The following STRA8 variants were observed in gnomAD, a reference collection of about 807,000 sequenced individuals.
The protein encoded by STRA8 is stimulated by retinoic acid gene 8 protein homolog.
STRA8 carries 18 observed loss-of-function variants against 37.1 expected under a neutral mutation model. That is an observed-to-expected ratio of 0.48 (90% CI 0.34 to 0.72). The LOEUF (loss-of-function observed/expected upper bound fraction) is 0.72, where lower values mean the gene tolerates loss of function less well. Among genes scored for constraint, STRA8 ranks in the 30% least tolerant of loss-of-function variants. The probability of loss-of-function intolerance (pLI) is 0.01; values close to 1 mark genes in which losing one functional copy is unlikely to be tolerated. For missense variants in STRA8, 357 were observed against 410.4 expected (o/e 0.87, Z 1.13); for synonymous variants, 168 against 162.9 (o/e 1.03, Z -0.24).
chr7:135,246,782 T>G lies in STRA8; in HGVS notation c.879+80T>G. The G allele has an allele frequency of 7.1e-7, 1 of 1,403,810 alleles. No homozygotes were observed. Among genetic ancestry groups the G allele is most frequent in the Non-Finnish European group, 9.3e-7 (1 of 1,069,988 alleles). 87.0% of individuals were successfully genotyped at this position (1,403,810 alleles called of 1,614,324 possible). Reference sequence around the variant, plus strand: ...CGCCTGGGGACACCAGGGCTTTGCATTTAGCAGGTTGGAGGTGCAGTTTGC... The same window carrying G: ...CGCCTGGGGACACCAGGGCTTTGCAGTTAGCAGGTTGGAGGTGCAGTTTGC... On this transcript the variant is annotated intron_variant, in intron 6 of 8. Coordinates refer to ENST00000662584, the MANE Select transcript of STRA8 (RefSeq NM_001394401.1). This position sits in a 1 kb window ranked among gnomAD's most constrained non-coding sequence, Gnocchi z 5.4.
chr7:135,247,641 C>G (rs1321002005), intron 6 of STRA8, among the ~76,000 whole-genome samples: 2 of 152,222 alleles, frequency 1.3e-5, no homozygotes, highest in Non-Finnish European at 2.9e-5. Flanking sequence ...ACACTTGGAC[C>G]AATCAGGTCC....
rs1362829773 is a variant in STRA8, at chr7:135,246,387, G to A, written c.594-30G>A. ...GAATCGCTTCGAGAGGGAGCTTTAG[G>A]GGTGCGAGACGGCGCCGCTTCTGTT... On this transcript the variant is annotated intron_variant, in intron 5 of 8. Transcript: ENST00000662584. The surrounding 1 kb of genome is among the most constrained non-coding windows in gnomAD (Gnocchi z 5.4). 2 of 1,582,434 alleles carry A rather than the reference G, an allele frequency of 1.3e-6. No homozygotes were observed.
chr7:135,243,319 C>G lies in STRA8; in HGVS notation c.269-7C>G. 1.2e-6 allele frequency: 2 copies of G among 1,614,008 alleles called. No individual in the cohort carries two copies. Among genetic ancestry groups the G allele is most frequent in the Non-Finnish European group, 1.7e-6 (2 of 1,179,918 alleles). On this transcript the variant is annotated splice_region_variant and splice_polypyrimidine_tract_variant and intron_variant, in intron 3 of 8. Transcript: ENST00000662584. ...CTTTGTGTTCCTGGTCTTCAACTCCCCAATAGCATCCTTCAACCTGGAAGA... is the reference window on the plus strand; with the variant it reads ...CTTTGTGTTCCTGGTCTTCAACTCCGCAATAGCATCCTTCAACCTGGAAGA...
chr7:135,240,618 A>G lies in STRA8; in HGVS notation c.94A>G (p.Arg32Gly). 6.2e-7 allele frequency: 1 copy of G among 1,614,126 alleles called. No individual in the cohort carries two copies. Among genetic ancestry groups the G allele is most frequent in the Non-Finnish European group, 8.5e-7 (1 of 1,180,026 alleles). ...LQELEHRVAR[R>G]RLSQARHRAT... Reference sequence around the variant, plus strand: ...GGAGCTTGAGCATCGGGTGGCCCGGAGACGGCTGTCCCAGGCCCGCCACCG... The same window carrying G: ...GGAGCTTGAGCATCGGGTGGCCCGGGGACGGCTGTCCCAGGCCCGCCACCG... Residue 32 changes from arginine (R) to glycine (G), a missense_variant, in exon 2 of 9, where the codon AGA becomes GGA. Transcript: ENST00000662584.
chr7:135,252,954 A>T (rs1323648250), intron 7 of STRA8, among the ~76,000 whole-genome samples: 1 of 151,952 alleles, frequency 6.6e-6, no homozygotes, highest in Middle Eastern at 3.2e-3. Context: ...TTTTTTTCTA[A>T]GACAGAGTCT....
intron 6 of STRA8, among the ~76,000 whole-genome samples, chr7:135,247,595 A>G (rs536956125): frequency 6.6e-4 from 100 of 152,322 alleles, no homozygotes; most frequent in Non-Finnish European, 1.3e-3. Context: ...CCAAATTGCC[A>G]GCCTGCTGAG....
chr7:135,256,541 A>G (rs1163363502), intron 8 of STRA8, among the ~76,000 whole-genome samples: 1 of 152,232 alleles, frequency 6.6e-6, no homozygotes, highest in African/African-American at 2.4e-5. Context: ...GCAGTGGCTC[A>G]CACCTGGAAT....
chr7:135,256,327 C>G (rs957729231), intron 8 of STRA8, among the ~76,000 whole-genome samples: 1 of 152,202 alleles, frequency 6.6e-6, no homozygotes, highest in Admixed American at 6.5e-5. Flanking sequence ...AGTTTGCTCT[C>G]CCCTTCCCAC....
chr7:135,245,875 C>A (rs759297373), intron 5 of STRA8, among the ~76,000 whole-genome samples: 1 of 152,132 alleles, frequency 6.6e-6, no homozygotes, highest in Non-Finnish European at 1.5e-5. Context: ...CACATACCCC[C>A]ACAAGTCCGC....
upstream of STRA8, chr7:135,232,030 C>T: frequency 6.2e-7 from 1 of 1,610,252 alleles, no homozygotes; most frequent in Non-Finnish European, 8.5e-7. Flanking sequence ...AGAAATCAGG[C>T]TGTGGCAGGT....
Position 135,240,727 on chromosome 7 carries a change from C to T in STRA8, c.192+11C>T, listed in dbSNP as rs772839429. 1.9e-6 allele frequency: 3 copies of T among 1,613,086 alleles called. No homozygotes were observed. In the African/African-American group the frequency reaches 4.0e-5, roughly 22 times the overall value. On this transcript the variant is annotated intron_variant, in intron 2 of 8. Coordinates refer to ENST00000662584, the MANE Select transcript of STRA8 (RefSeq NM_001394401.1). ...CTCATAGCCTCAAAGGTATGGGGAC[C>T]TGGAGGAGGAGAGGGGACATCTCCA...
At chr7:135,236,272 GTGTGTA>G (rs1832376322) in intron 1 of STRA8, among the ~76,000 whole-genome samples, 1 of 144,064 alleles carries the variant, frequency 6.9e-6, no homozygotes, top group African/African-American at 2.5e-5. Flanking sequence ...ATATATGTGT[GTGTGTA>G]TGTGTGTGTG....
chr7:135,258,653 A>G lies in STRA8; in HGVS notation c.*161A>G, dbSNP rs1314196653. 6.6e-6 allele frequency among the ~76,000 whole-genome samples: 1 copy of G among 152,262 alleles called. No homozygotes were observed. Among genetic ancestry groups the G allele is most frequent in the Non-Finnish European group, 1.5e-5 (1 of 68,056 alleles). ...TTTTAGTTTCTGATTATTATAAAGT[A>G]TAAGAGAAGCACGGCCTCGTGTTGG... On this transcript the variant is annotated 3_prime_UTR_variant, in exon 9 of 9. Transcript: ENST00000662584.
chr7:135,246,584 G>A lies in STRA8; in HGVS notation c.761G>A (p.Arg254His), dbSNP rs1832560092. 8 of 1,543,170 alleles carry A rather than the reference G, an allele frequency of 5.2e-6. No individual in the cohort carries two copies. Among genetic ancestry groups the A allele is most frequent in the Admixed American group, 2.0e-5 (1 of 51,026 alleles). Reference sequence around the variant, plus strand: ...CGGCAGGCCTGGGCGCAGAAGCACCGCGGCCCTGCGACCCTGGCGGAGGCC... The same window carrying A: ...CGGCAGGCCTGGGCGCAGAAGCACCACGGCCCTGCGACCCTGGCGGAGGCC... ...SLRQAWAQKHRGPATLAEACR... is the reference protein window; with the variant it reads ...SLRQAWAQKHHGPATLAEACR... The change falls in exon 6 of 9, where the codon CGC (arginine) becomes CAC (histidine). Residue 254 changes from arginine (R) to histidine (H), a missense_variant. Arg to His is a conservative substitution (Grantham distance 29). Coordinates refer to ENST00000662584, the MANE Select transcript of STRA8 (RefSeq NM_001394401.1). This position sits in a 1 kb window ranked among gnomAD's most constrained non-coding sequence, Gnocchi z 5.4.
chr7:135,242,490 C>T (rs559418698), intron 2 of STRA8, among the ~76,000 whole-genome samples: 1 of 152,264 alleles, frequency 6.6e-6, no homozygotes, highest in Non-Finnish European at 1.5e-5. Context: ...ACCTTCAAGC[C>T]GCCTCTGTAG....
intron 2 of STRA8, among the ~76,000 whole-genome samples, chr7:135,241,679 C>G (rs1288419680): frequency 1.3e-5 from 2 of 152,252 alleles, no homozygotes; most frequent in Non-Finnish European, 2.9e-5. Context: ...ATTCCCTCCT[C>G]CTTGTACATT....
intron 7 of STRA8, among the ~76,000 whole-genome samples, chr7:135,253,024 T>G (rs957371418): frequency 6.6e-6 from 1 of 152,072 alleles, no homozygotes; most frequent in African/African-American, 2.4e-5. Flanking sequence ...AACCTCCGCC[T>G]CCTGGGTTCA....
intron 7 of STRA8, among the ~76,000 whole-genome samples, chr7:135,253,685 G>T (rs1423040713): frequency 6.6e-6 from 1 of 152,208 alleles, no homozygotes; most frequent in Non-Finnish European, 1.5e-5. Context: ...TCCCAAAGGT[G>T]TGTTTTCTGA....
At chr7:135,248,083 T>G (rs1243543688) in intron 6 of STRA8, among the ~76,000 whole-genome samples, 1 of 152,230 alleles carries the variant, frequency 6.6e-6, no homozygotes, top group Non-Finnish European at 1.5e-5. Context: ...AGAGTCTCTC[T>G]GTGGAGCCTT....
Sources: gnomAD v4.1 joint callset for allele counts (sites outside exome capture counted in the v4.1 genomes callset) on GRCh38, gnomAD v4.1.1 for gene constraint, Gnocchi (gnomAD v3.1) non-coding constraint, MANE v1.5 for transcripts, NCBI Gene and HGNC (gene_info 2026-07-23, HGNC 2026-07-21) for gene names.